SMAD4: variants seen among roughly 807,000 people sequenced by gnomAD.
SMAD4 encodes the protein MAD homolog 4.
Under a neutral mutation model 63.2 loss-of-function variants are expected in SMAD4, and 7 were observed. The ratio of observed to expected loss-of-function variants is 0.11; its 90% CI spans 0.06 to 0.21. The LOEUF (loss-of-function observed/expected upper bound fraction) is 0.21, where lower values mean the gene tolerates loss of function less well. Among genes scored for constraint, SMAD4 ranks in the 10% least tolerant of loss-of-function variants. The probability of loss-of-function intolerance (pLI) is 1.00; values close to 1 mark genes in which losing one functional copy is unlikely to be tolerated. For synonymous variants in SMAD4, 215 were observed against 235.4 expected, an observed-to-expected ratio of 0.91 and a Z score of 0.79; for missense variants, 312 against 693.8, an observed-to-expected ratio of 0.45 and a Z score of 6.18.
rs776523203 is a variant in SMAD4, at chr18:51,055,002, T to C, written c.667+9T>C. 1.3e-4 allele frequency: 204 copies of C among 1,598,246 alleles called. 1 individual carries two copies. The highest frequency in any genetic ancestry group is 1.7e-4 in the Non-Finnish European group (194 of 1,166,452). On this transcript the variant is annotated intron_variant, in intron 5 of 11. Transcript: ENST00000342988. Reference sequence around the variant, plus strand: ...TCCTGTGGCTTCCACAAGTGAGTTCTAGAATCAGATGTAGTCAGCAAGTTG... The same window carrying C: ...TCCTGTGGCTTCCACAAGTGAGTTCCAGAATCAGATGTAGTCAGCAAGTTG...
At chr18:51,034,849 A>G (rs1909158803) in intron 1 of SMAD4, among the ~76,000 whole-genome samples, 2 of 152,188 alleles carry the variant, frequency 1.3e-5, no homozygotes, top group Non-Finnish European at 2.9e-5. Flanking sequence ...CCTGGCAAGT[A>G]GTTTTCAATC....
rs751950834 is a variant in SMAD4 at position 51,080,610 on chromosome 18, C to G, written c.*2143C>G. 17 of 183,124 alleles carry G rather than the reference C, an allele frequency of 9.3e-5. No homozygotes were observed. The highest frequency in any genetic ancestry group is 4.4e-4 in the Admixed American group (7 of 16,038). The allele number at this position is 183,124 out of a possible 1,614,324, so 11.3% of individuals were successfully genotyped here. Reference sequence around the variant, plus strand: ...AGGCAGGAGTGCAGTGGTATGATCTCAGCTCACTGCAACCTCTGCCTCCCG... The same window carrying G: ...AGGCAGGAGTGCAGTGGTATGATCTGAGCTCACTGCAACCTCTGCCTCCCG... On this transcript the variant is annotated 3_prime_UTR_variant, in exon 12 of 12. Transcript: ENST00000342988.
chr18:51,078,210 A>C, intron 11 of SMAD4, 46 bp from the exon 12 acceptor site: 148 of 1,427,010 alleles, frequency 1.0e-4, no homozygotes, highest in Middle Eastern at 1.8e-4. Flanking sequence ...GAGGATGGGA[A>C]GAGATCACCC....
At chr18:51,050,190 T>A (rs1162876728) in intron 4 of SMAD4, among the ~76,000 whole-genome samples, 1 of 151,946 alleles carries the variant, frequency 6.6e-6, no homozygotes, top group African/African-American at 2.4e-5. Flanking sequence ...AAACCCTGTC[T>A]TTACTAAAAA....
In SMAD4 at chr18:51,080,968, G is replaced by A. The variant is rs185349233; in HGVS notation, c.*2501G>A. On this transcript the variant is annotated 3_prime_UTR_variant, in exon 12 of 12. Coordinates refer to ENST00000342988, the MANE Select transcript of SMAD4 (RefSeq NM_005359.6). ...ACCTGTCTTGGTTTCTTTCTACTAA[G>A]AGCCATAAAGTATAGAAATACTTCT... 1.5e-5 allele frequency: 3 copies of A among 200,652 alleles called. No individual in the cohort carries two copies. Among genetic ancestry groups the A allele is most frequent in the African/African-American group, 6.9e-5 (3 of 43,606 alleles). The allele number at this position is 200,652 out of a possible 1,614,324, so 12.4% of individuals were successfully genotyped here.
Position 51,081,981 on chromosome 18 carries a change from G to C in SMAD4, c.*3514G>C, listed in dbSNP as rs1176341048. ...AGTCACATTAGTTCACACCCTTTCT[G>C]AGAGCCTTTTGGGAGAAGCAGTTTT... On this transcript the variant is annotated 3_prime_UTR_variant, in exon 12 of 12. Coordinates refer to ENST00000342988, the MANE Select transcript of SMAD4 (RefSeq NM_005359.6). The C allele has an allele frequency of 4.3e-6, 1 of 231,874 alleles. No individual in the cohort carries two copies. Among genetic ancestry groups the C allele is most frequent in the Non-Finnish European group, 8.5e-6 (1 of 117,334 alleles). The allele number at this position is 231,874 out of a possible 1,614,324, so 14.4% of individuals were successfully genotyped here. A position where few individuals can be genotyped will look rare whatever the true frequency, so the allele number is the denominator to read the frequency against.
rs1036605510 is a variant in SMAD4 at position 51,082,199 on chromosome 18, A to G, written c.*3732A>G. ...AACAATTATTTTGTAGGTGGGGTAC[A>G]CTCAGCTTAAAGTAATGCATTTTTT... On this transcript the variant is annotated 3_prime_UTR_variant, in exon 12 of 12. Transcript: ENST00000342988. The G allele has an allele frequency of 8.3e-5, 19 of 229,916 alleles. No individual in the cohort carries two copies. The highest frequency in any genetic ancestry group is 4.0e-4 in the African/African-American group (18 of 45,196). The allele number at this position is 229,916 out of a possible 1,614,324, so 14.2% of individuals were successfully genotyped here.
chr18:51,079,965 G>GTT lies in SMAD4; in HGVS notation c.*1511_*1512dup, dbSNP rs755827115. 168 of 201,430 alleles carry GTT rather than the reference G, an allele frequency of 8.3e-4. No individual in the cohort carries two copies. The highest frequency in any genetic ancestry group is 3.3e-3 in the East Asian group (45 of 13,752). 12.5% of individuals were successfully genotyped at this position (201,430 alleles called of 1,614,324 possible). A position where few individuals can be genotyped will look rare whatever the true frequency, so the allele number is the denominator to read the frequency against. On this transcript the variant is annotated 3_prime_UTR_variant, in exon 12 of 12. Coordinates refer to ENST00000342988, the MANE Select transcript of SMAD4 (RefSeq NM_005359.6). ...ACATTGTGTATCATGTGTAGAGTTGGTTTTTTTTTTTTTTAATTTTTATTT... is the reference window on the plus strand; with the variant it reads ...ACATTGTGTATCATGTGTAGAGTTGGTTTTTTTTTTTTTTTTAATTTTTATTT...
At chr18:51,036,820 A>T (rs1442709961) in intron 1 of SMAD4, among the ~76,000 whole-genome samples, 2 of 152,120 alleles carry the variant, frequency 1.3e-5, no homozygotes, top group Non-Finnish European at 2.9e-5. Flanking sequence ...TCCCCCTTTG[A>T]AGGAATAAGC....
At chr18:51,056,739 C>T (rs992744598) in intron 5 of SMAD4, among the ~76,000 whole-genome samples, 4 of 151,342 alleles carry the variant, frequency 2.6e-5, no homozygotes, top group South Asian at 2.1e-4. Flanking sequence ...CTGATTTAGT[C>T]GTATTGTTTA....
intron 1 of SMAD4, among the ~76,000 whole-genome samples, chr18:51,034,765 T>G (rs1568199614): frequency 1.3e-5 from 2 of 151,994 alleles, no homozygotes; most frequent in South Asian, 4.2e-4. Flanking sequence ...AGGCTGGTCT[T>G]GAACTCTTGG....
At chr18:51,064,139 T>C (rs1355554153) in intron 8 of SMAD4, among the ~76,000 whole-genome samples, 1 of 152,230 alleles carries the variant, frequency 6.6e-6, no homozygotes, top group Non-Finnish European at 1.5e-5. Flanking sequence ...GTTTTATTGC[T>C]TCAAATTCTA....
rs1325933652 is a variant in SMAD4 at position 51,082,438 on chromosome 18, C to T, written c.*3971C>T. 1.3e-5 allele frequency: 3 copies of T among 229,468 alleles called. No homozygotes were observed. Among genetic ancestry groups the T allele is most frequent in the Non-Finnish European group, 8.6e-6 (1 of 115,692 alleles). 14.2% of individuals were successfully genotyped at this position (229,468 alleles called of 1,614,324 possible). ...CCACAAAGTGGCATCCTAGGCCCAG[C>T]CTTATCCCTAGCAGTTGTCCCAGTG... On this transcript the variant is annotated 3_prime_UTR_variant, in exon 12 of 12. Coordinates refer to ENST00000342988, the MANE Select transcript of SMAD4 (RefSeq NM_005359.6).
chr18:51,074,478 C>T (rs1445153001), intron 10 of SMAD4, among the ~76,000 whole-genome samples: 1 of 152,114 alleles, frequency 6.6e-6, no homozygotes, highest in Admixed American at 6.5e-5. Flanking sequence ...ATGTACAACA[C>T]CAAGAGTGAA....
At chr18:51,054,712 C>A (rs1909792452) in intron 4 of SMAD4, 69 bp from the exon 5 acceptor site, 4 of 1,034,052 alleles carry the variant, frequency 3.9e-6, no homozygotes, top group Non-Finnish European at 1.5e-6. Context: ...ATATTACTTG[C>A]TAATAAGATT....
chr18:51,069,505 A>G (rs1314213137), intron 10 of SMAD4, among the ~76,000 whole-genome samples: 1 of 151,924 alleles, frequency 6.6e-6, no homozygotes, highest in Non-Finnish European at 1.5e-5. Flanking sequence ...GAGAGAATTC[A>G]CTCATTTTAT....
chr18:51,080,102 C>G lies in SMAD4; in HGVS notation c.*1635C>G. The G allele has an allele frequency of 4.3e-6, 1 of 232,300 alleles. No individual in the cohort carries two copies. Among genetic ancestry groups the G allele is most frequent in the Non-Finnish European group, 8.5e-6 (1 of 117,562 alleles). The allele number at this position is 232,300 out of a possible 1,614,324, so 14.4% of individuals were successfully genotyped here. A position where few individuals can be genotyped will look rare whatever the true frequency, so the allele number is the denominator to read the frequency against. ...ATCTTTCAGATGTGTTTACTTTTGCCTGGAGAACTTTTAGCTATAGAAACA... is the reference window on the plus strand; with the variant it reads ...ATCTTTCAGATGTGTTTACTTTTGCGTGGAGAACTTTTAGCTATAGAAACA... On this transcript the variant is annotated 3_prime_UTR_variant, in exon 12 of 12. Transcript: ENST00000342988.
At chr18:51,072,325 T>C (rs1313732715) in intron 10 of SMAD4, among the ~76,000 whole-genome samples, 1 of 152,204 alleles carries the variant, frequency 6.6e-6, no homozygotes, top group Non-Finnish European at 1.5e-5. Context: ...GTAGTTTTGA[T>C]TTGCAAACTT....
chr18:51,036,440 A>G (rs1489025897), intron 1 of SMAD4, among the ~76,000 whole-genome samples: 1 of 152,164 alleles, frequency 6.6e-6, no homozygotes, highest in East Asian at 1.9e-4. Flanking sequence ...TAATCTAGTG[A>G]AAGGATGACC....
Sources: gnomAD v4.1 joint callset for allele counts (sites outside exome capture counted in the v4.1 genomes callset) on GRCh38, gnomAD v4.1.1 for gene constraint, MANE v1.5 for transcripts, NCBI Gene and HGNC (gene_info 2026-07-23, HGNC 2026-07-21) for gene names.